The following EXOC6B variants were observed in gnomAD, a reference collection of about 807,000 sequenced individuals.
EXOC6B encodes SEC15 homolog B.
EXOC6B carries 54 observed loss-of-function variants against 113.5 expected under a neutral mutation model. That is an observed-to-expected ratio of 0.48 (90% confidence interval 0.38 to 0.60). EXOC6B has a LOEUF of 0.60. Ranked by LOEUF, EXOC6B falls within the 20% of genes least tolerant of loss-of-function variation. The pLI, the probability that EXOC6B is intolerant of heterozygous loss-of-function variation, is 0.00. For missense variants in EXOC6B, 797 were observed against 977.5 expected, an observed-to-expected ratio of 0.82 and a Z score of 2.46; for synonymous variants, 357 against 339.0, an observed-to-expected ratio of 1.05 and a Z score of -0.58.
At chr2:72,671,237 G>A (rs1293602829) in intron 6 of EXOC6B, among the ~76,000 whole-genome samples, 2 of 152,132 alleles carry the variant, frequency 1.3e-5, no homozygotes, top group Non-Finnish European at 2.9e-5. Context: ...ACCAAAGAAT[G>A]GAAGAAAATG....
chr2:72,477,740 C>T (rs1404433910), intron 17 of EXOC6B, among the ~76,000 whole-genome samples: 1 of 152,322 alleles, frequency 6.6e-6, no homozygotes, highest in East Asian at 1.9e-4. Flanking sequence ...GTGATAGATA[C>T]ATCATTGCCA....
intron 1 of EXOC6B, among the ~76,000 whole-genome samples, chr2:72,810,101 T>C (rs1377545476): frequency 6.6e-6 from 1 of 152,096 alleles, no homozygotes; most frequent in Non-Finnish European, 1.5e-5. Context: ...AGATAGGAAA[T>C]GTCCAAACAC....
intron 19 of EXOC6B, among the ~76,000 whole-genome samples, chr2:72,337,804 A>G (rs1199084452): frequency 6.6e-6 from 1 of 152,192 alleles, no homozygotes; most frequent in African/African-American, 2.4e-5. Context: ...TGCTTTATGT[A>G]TATAATTCTT....
intron 8 of EXOC6B, among the ~76,000 whole-genome samples, chr2:72,540,357 C>A (rs984377530): frequency 4.6e-5 from 7 of 151,972 alleles, no homozygotes; most frequent in Admixed American, 3.3e-4. Flanking sequence ...AAGGAGAGTA[C>A]CAAAAAAACT....
chr2:72,408,352 T>C (rs1249006273), intron 18 of EXOC6B, among the ~76,000 whole-genome samples: 1 of 152,122 alleles, frequency 6.6e-6, no homozygotes, highest in Non-Finnish European at 1.5e-5. Flanking sequence ...CTTCACAGAA[T>C]TGGAAAAAAC....
chr2:72,443,802 C>T (rs185011644), intron 18 of EXOC6B, among the ~76,000 whole-genome samples: 68 of 152,256 alleles, frequency 4.5e-4, no homozygotes, highest in African/African-American at 1.5e-3. Flanking sequence ...GATTCAGTTA[C>T]CTCCTACTGG....
intron 20 of EXOC6B, among the ~76,000 whole-genome samples, chr2:72,280,001 GCAA>G (rs1370378314): frequency 2.0e-5 from 3 of 151,960 alleles, no homozygotes; most frequent in African/African-American, 7.3e-5. Flanking sequence ...AACAATGATG[GCAA>G]CAACAACAAA....
chr2:72,433,535 T>C (rs1695672483), intron 18 of EXOC6B, among the ~76,000 whole-genome samples: 1 of 152,250 alleles, frequency 6.6e-6, no homozygotes, highest in African/African-American at 2.4e-5. Context: ...TTCTTATCCA[T>C]AAGCATGGAA....
chr2:72,277,940 A>T (rs1410168586), intron 20 of EXOC6B, among the ~76,000 whole-genome samples: 1 of 152,108 alleles, frequency 6.6e-6, no homozygotes, highest in Non-Finnish European at 1.5e-5. Flanking sequence ...AATTTTGCTC[A>T]GTTGCAATAT....
intron 20 of EXOC6B, among the ~76,000 whole-genome samples, chr2:72,236,010 A>G (rs891744004): frequency 6.6e-6 from 1 of 152,214 alleles, no homozygotes; most frequent in Non-Finnish European, 1.5e-5. Flanking sequence ...GACAAATGCT[A>G]TATTAATCAT....
chr2:72,627,021 G>T (rs992622980), intron 6 of EXOC6B, among the ~76,000 whole-genome samples: 7 of 152,108 alleles, frequency 4.6e-5, no homozygotes, highest in African/African-American at 1.7e-4. Flanking sequence ...GCAGAGGGTG[G>T]GTGGGTTGAA....
intron 6 of EXOC6B, among the ~76,000 whole-genome samples, chr2:72,653,606 C>CCG (rs1553460785): frequency 6.9e-6 from 1 of 145,506 alleles, no homozygotes; most frequent in Admixed American, 6.7e-5. Context: ...CAACCCCCCC[C>CCG]CAAAAAGAAA....
intron 7 of EXOC6B, among the ~76,000 whole-genome samples, chr2:72,568,256 T>C (rs182084486): frequency 6.6e-6 from 1 of 152,024 alleles, no homozygotes; most frequent in East Asian, 1.9e-4. Flanking sequence ...TGTGTAAAAT[T>C]TGTCTTGATG....
At chr2:72,298,836 T>C (rs916197887) in intron 20 of EXOC6B, among the ~76,000 whole-genome samples, 10 of 152,184 alleles carry the variant, frequency 6.6e-5, no homozygotes, top group Non-Finnish European at 1.2e-4. Flanking sequence ...GCTTGTAGGG[T>C]TTCTGCAGAG....
At chr2:72,541,076 G>A (rs1702578625) in intron 8 of EXOC6B, among the ~76,000 whole-genome samples, 1 of 152,128 alleles carries the variant, frequency 6.6e-6, no homozygotes, top group Non-Finnish European at 1.5e-5. Context: ...AGGGACCCAG[G>A]GGGAGGTAAT....
At chr2:72,658,553 A>G (rs1326183838) in intron 6 of EXOC6B, among the ~76,000 whole-genome samples, 2 of 151,762 alleles carry the variant, frequency 1.3e-5, no homozygotes, top group Non-Finnish European at 2.9e-5. Flanking sequence ...TATATAACTA[A>G]TCACTCTGAC....
chr2:72,458,768 C>A (rs1227969433), intron 18 of EXOC6B, among the ~76,000 whole-genome samples: 1 of 152,050 alleles, frequency 6.6e-6, no homozygotes, highest in Non-Finnish European at 1.5e-5. Flanking sequence ...TTAATTCAGA[C>A]AAGCACCAGG....
chr2:72,473,923 G>A (rs1698562575), intron 17 of EXOC6B, among the ~76,000 whole-genome samples: 1 of 152,044 alleles, frequency 6.6e-6, no homozygotes, highest in African/African-American at 2.4e-5. Flanking sequence ...ATTCCCTTGA[G>A]GAATTTATTG....
chr2:72,658,074 T>C (rs1674721978), intron 6 of EXOC6B, among the ~76,000 whole-genome samples: 1 of 150,734 alleles, frequency 6.6e-6, no homozygotes, highest in African/African-American at 2.4e-5. Flanking sequence ...AACAGGTTAA[T>C]ATCCAGTCCA....
Sources: gnomAD v4.1 joint callset for allele counts (sites outside exome capture counted in the v4.1 genomes callset) on GRCh38, gnomAD v4.1.1 for gene constraint, MANE v1.5 for transcripts, NCBI Gene and HGNC (gene_info 2026-07-23, HGNC 2026-07-21) for gene names.